The following SLMAP variants were observed in gnomAD, a reference collection of about 807,000 sequenced individuals.
SLMAP encodes the protein sarcolemmal membrane-associated protein.
In SLMAP, 44 loss-of-function variants were observed where a neutral mutation model predicts 128.8. That is an observed-to-expected ratio of 0.34 (90% CI 0.27 to 0.44). The LOEUF is 0.44. Ranked by LOEUF, SLMAP falls within the 20% of genes least tolerant of loss-of-function variation. The probability of loss-of-function intolerance (pLI) is 1.00; values close to 1 mark genes in which losing one functional copy is unlikely to be tolerated. For missense variants in SLMAP, 787 were observed against 985.3 expected, an observed-to-expected ratio of 0.80 and a Z score of 2.69; for synonymous variants, 327 against 348.8, an observed-to-expected ratio of 0.94 and a Z score of 0.70.
chr3:57,878,125 G>A (rs945491216), intron 14 of SLMAP, among the ~76,000 whole-genome samples: 2 of 152,108 alleles, frequency 1.3e-5, no homozygotes, highest in African/African-American at 4.8e-5. Flanking sequence ...TTACAGGCAT[G>A]AGCCACTGCA....
At chr3:57,766,165 ATTTTT>A (rs869169620) in intron 2 of SLMAP, among the ~76,000 whole-genome samples, 21 of 85,690 alleles carry the variant, frequency 2.5e-4, no homozygotes, top group Admixed American at 8.2e-4. Context: ...CACCCGGCTA[ATTTTT>A]TTTTTTTTTT....
chr3:57,876,604 T>G (rs723635), intron 14 of SLMAP, among the ~76,000 whole-genome samples: 1 of 152,074 alleles, frequency 6.6e-6, no homozygotes, highest in Non-Finnish European at 1.5e-5. Flanking sequence ...CCACATTTAG[T>G]GTTCTCTGCA....
chr3:57,760,668 G>A (rs1300870437), intron 2 of SLMAP, among the ~76,000 whole-genome samples: 1 of 151,734 alleles, frequency 6.6e-6, no homozygotes, highest in African/African-American at 2.4e-5. Flanking sequence ...TTGCAGTGCT[G>A]TGATTATGCC....
chr3:57,781,843 C>T (rs1320787203), intron 2 of SLMAP, among the ~76,000 whole-genome samples: 1 of 148,802 alleles, frequency 6.7e-6, no homozygotes, highest in African/African-American at 2.5e-5. Context: ...AGCAATTCTC[C>T]TTCCTCAGCC....
chr3:57,888,200 G>A (rs1425287802), intron 14 of SLMAP, among the ~76,000 whole-genome samples: 1 of 151,826 alleles, frequency 6.6e-6, no homozygotes, highest in East Asian at 1.9e-4. Context: ...CTATGTTTGA[G>A]ATATATAAAA....
intron 13 of SLMAP, among the ~76,000 whole-genome samples, 158 bp downstream of exon 13, chr3:57,865,450 G>T (rs1033552364): frequency 1.3e-5 from 2 of 152,072 alleles, no homozygotes; most frequent in African/African-American, 4.8e-5. Flanking sequence ...CCTTTATTTT[G>T]TAAGAGTTGA....
Position 57,831,536 on chromosome 3 carries a change from G to T in SLMAP, c.346+6G>T, listed in dbSNP as rs371736233. 1.0e-5 allele frequency: 15 copies of T among 1,480,684 alleles called. No homozygotes were observed. In the African/African-American group the frequency reaches 2.0e-4, roughly 20 times the overall value. The allele number at this position is 1,480,684 out of a possible 1,614,324, so 91.7% of individuals were successfully genotyped here. On this transcript the variant is annotated splice_donor_region_variant and intron_variant, in intron 3 of 24. Coordinates refer to ENST00000671191, the MANE Select transcript of SLMAP (RefSeq NM_001377540.1). ...GACAGAGAATACACGGAAAGGTACG[G>T]GTATGGATCACTTTTTTTATTACTT...
rs759447835 is a variant in SLMAP, at chr3:57,896,971, A to T, written c.1501+39A>T. ...TTTTTATGACATCGTAAACCAGGGT[A>T]TCAAATCACCCTTTGCCATAAAATC... On this transcript the variant is annotated intron_variant, in intron 17 of 24. Transcript: ENST00000671191. The T allele has an allele frequency of 5.6e-6, 9 of 1,611,954 alleles. No homozygotes were observed. In the African/African-American group the frequency reaches 1.2e-4, roughly 22 times the overall value.
intron 19 of SLMAP, among the ~76,000 whole-genome samples, chr3:57,909,956 A>G (rs1330696178): frequency 6.6e-6 from 1 of 150,822 alleles, no homozygotes; most frequent in Non-Finnish European, 1.5e-5. Context: ...AAGATTGTCC[A>G]GTACTCTCGT....
At chr3:57,772,886 C>T (rs1390095859) in intron 2 of SLMAP, among the ~76,000 whole-genome samples, 3 of 152,124 alleles carry the variant, frequency 2.0e-5, no homozygotes, top group East Asian at 1.9e-4. Flanking sequence ...GTGATCCGCC[C>T]GCCTCGGCCT....
intron 2 of SLMAP, among the ~76,000 whole-genome samples, chr3:57,812,640 A>G (rs898696140): frequency 2.6e-5 from 4 of 152,136 alleles, no homozygotes; most frequent in Admixed American, 2.0e-4. Context: ...CATTGAATCT[A>G]TTGATTGCTT....
chr3:57,919,316 G>A (rs1272018067), intron 22 of SLMAP, among the ~76,000 whole-genome samples: 1 of 151,930 alleles, frequency 6.6e-6, no homozygotes, highest in Non-Finnish European at 1.5e-5. Flanking sequence ...GGGAGGCGGA[G>A]GTTGTGGTGA....
rs1363135334 is a variant in SLMAP at position 57,929,133 on chromosome 3, C to T, written c.*1844C>T. The T allele has an allele frequency of 2.0e-5, 3 of 152,520 alleles. No individual in the cohort carries two copies. The highest frequency in any genetic ancestry group is 6.5e-5 in the Admixed American group (1 of 15,268). The allele number at this position is 152,520 out of a possible 1,614,324, so 9.4% of individuals were successfully genotyped here. A position where few individuals can be genotyped will look rare whatever the true frequency, so the allele number is the denominator to read the frequency against. On this transcript the variant is annotated 3_prime_UTR_variant, in exon 25 of 25. Coordinates refer to ENST00000671191, the MANE Select transcript of SLMAP (RefSeq NM_001377540.1). The stretch of plus-strand genomic sequence containing the variant: ...AAACTATTTGCACTAACACACGTGA[C>T]GTGCATGATTTAATAAAATAACTTT...
In SLMAP at chr3:57,916,991, T is replaced by C. The variant is rs759832384; in HGVS notation, c.2224T>C (p.Leu742=). 6 of 1,613,862 alleles carry C rather than the reference T, an allele frequency of 3.7e-6. No individual in the cohort carries two copies. In the African/African-American group the frequency reaches 8.0e-5, roughly 22 times the overall value. ...RKELENQVGS[L]KEQHLRDSAD... is the part of the protein sequence containing the mutation. ...AGAACTTGAGAATCAAGTGGGATCC[T>C]TGAAAGAACAGCATCTTCGGGATTC... is the stretch of plus-strand genomic sequence containing the variant. Residue 742 remains leucine (L), a synonymous_variant, in exon 22 of 25, where the codon TTG becomes CTG. Transcript: ENST00000671191.
At chr3:57,771,220 TGAGA>T (rs377559257) in intron 2 of SLMAP, among the ~76,000 whole-genome samples, 49 of 135,684 alleles carry the variant, frequency 3.6e-4, no homozygotes, top group East Asian at 6.6e-4. Flanking sequence ...CCTCCTCCTT[TGAGA>T]GAGAGAGAGA....
In SLMAP at chr3:57,896,496, T is replaced by C; in HGVS notation, c.1361-15T>C. On this transcript the variant is annotated splice_polypyrimidine_tract_variant and intron_variant, in intron 15 of 24. Coordinates refer to ENST00000671191, the MANE Select transcript of SLMAP (RefSeq NM_001377540.1). ...TAACTGTAATAAGATTTTACTTTTA[T>C]TTTTTTCTTGGTAGAAAATCAGACA... 1.3e-6 allele frequency: 2 copies of C among 1,585,636 alleles called. No homozygotes were observed. The highest frequency in any genetic ancestry group is 1.7e-6 in the Non-Finnish European group (2 of 1,168,418).
chr3:57,906,376 C>T (rs1362058131), intron 17 of SLMAP, among the ~76,000 whole-genome samples: 13 of 130,630 alleles, frequency 1.0e-4, no homozygotes, highest in Admixed American at 5.5e-4. Flanking sequence ...AGTGCAGTGG[C>T]GCGATCTTGG....
intron 14 of SLMAP, among the ~76,000 whole-genome samples, chr3:57,873,161 C>A (rs1202751234): frequency 6.6e-6 from 1 of 152,190 alleles, no homozygotes; most frequent in Non-Finnish European, 1.5e-5. Context: ...TTGAGTATTA[C>A]TTAGAGACAA....
chr3:57,907,753 C>T, intron 17 of SLMAP, 131 bp from the exon 18 acceptor site: 1 of 762,892 alleles, frequency 1.3e-6, no homozygotes. Flanking sequence ...TAATTTGCTT[C>T]TAAGTTTTAT....
Sources: allele counts gnomAD v4.1 joint callset (sites outside exome capture counted in the v4.1 genomes callset), GRCh38; gene constraint gnomAD v4.1.1; transcripts MANE v1.5; gene names NCBI Gene and HGNC (gene_info 2026-07-23, HGNC 2026-07-21).